Variants in EGLN1 observed in about 807,000 individuals in gnomAD.
The protein encoded by EGLN1 is egl-9 family hypoxia inducible factor 1, also known as egl nine homolog 1.
A neutral mutation model predicts 38.3 loss-of-function variants in EGLN1; 17 were observed. The ratio of observed to expected loss-of-function variants is 0.44; its 90% CI spans 0.30 to 0.67. EGLN1 has a LOEUF of 0.67. Among genes scored for constraint, EGLN1 ranks in the 30% least tolerant of loss-of-function variants. EGLN1 has a pLI of 0.08. For missense variants in EGLN1, 477 were observed against 603.3 expected, an observed-to-expected ratio of 0.79 and a Z score of 2.19; for synonymous variants, 283 against 257.5, an observed-to-expected ratio of 1.10 and a Z score of -0.95.
In EGLN1 at chr1:231,367,599, T is replaced by G; in HGVS notation, c.1186A>C (p.Arg396=). 3 of 1,614,094 alleles carry G rather than the reference T, an allele frequency of 1.9e-6. No individual in the cohort carries two copies. Among genetic ancestry groups the G allele is most frequent in the African/African-American group, 2.7e-5 (2 of 75,058 alleles). ...ITVWYFDADE[R]ARAKVKYLTG... ...AGATATTTTACTTTAGCTCGTGCTC[T>G]CTCATCTGCATCAAAATACCAAACA... is the stretch of plus-strand genomic sequence containing the variant. The change falls in exon 4 of 5, where the codon AGA becomes CGA. Residue 396 remains arginine, a synonymous_variant. Transcript: ENST00000366641.
Position 231,421,992 on chromosome 1 carries a change from G to T in EGLN1, c.-104C>A, listed in dbSNP as rs1405692261. On this transcript the variant is annotated 5_prime_UTR_variant, in exon 1 of 5. Coordinates refer to ENST00000366641, the MANE Select transcript of EGLN1 (RefSeq NM_022051.3). This position sits in a 1 kb window ranked among gnomAD's most constrained non-coding sequence, Gnocchi z 5.5. ...GGGAGCGGGGAGAGAGATAGGGGCCGTTACTGCGCCATGCACCCGCTACCC... is the reference window on the plus strand; with the variant it reads ...GGGAGCGGGGAGAGAGATAGGGGCCTTTACTGCGCCATGCACCCGCTACCC... 1.2e-5 allele frequency: 14 copies of T among 1,214,346 alleles called. No homozygotes were observed. In the Admixed American group the frequency reaches 4.7e-4, roughly 41 times the overall value. 75.2% of individuals were successfully genotyped at this position (1,214,346 alleles called of 1,614,324 possible).
At position 231,421,066 on chromosome 1, in the gene EGLN1, T is replaced by C. The variant is rs779865918; in HGVS notation, c.823A>G (p.Ser275Gly). 1 of 1,614,202 alleles carries C rather than the reference T, an allele frequency of 6.2e-7. No homozygotes were observed. Among genetic ancestry groups the C allele is most frequent in the Admixed American group, 1.7e-5 (1 of 60,030 alleles). ...CAGTGGCGTATCAGGTCGTCCATGCTGCTCATGAGCAGCCCAATGGTTTCG... is the reference window on the plus strand; with the variant it reads ...CAGTGGCGTATCAGGTCGTCCATGCCGCTCATGAGCAGCCCAATGGTTTCG... ...GCETIGLLMS[S>G]MDDLIRHCNG... The change falls in exon 1 of 5, where the codon AGC becomes GGC. Residue 275 changes from serine to glycine, a missense_variant. Physicochemically the swap from Ser to Gly is moderately conservative, Grantham distance 56 (BLOSUM62 0). Around this residue, in one of 4 missense-constraint regions of EGLN1, gnomAD observed 119 missense variants for 179.0 expected, o/e 0.66. Coordinates refer to ENST00000366641, the MANE Select transcript of EGLN1 (RefSeq NM_022051.3). This position sits in a 1 kb window ranked among gnomAD's most constrained non-coding sequence, Gnocchi z 5.5.
intron 1 of EGLN1, among the ~76,000 whole-genome samples, chr1:231,417,106 G>C (rs1689103736): frequency 6.6e-6 from 1 of 152,178 alleles, no homozygotes; most frequent in Non-Finnish European, 1.5e-5. Context: ...TCCTGGGTCA[G>C]TTTCGTTTTT....
intron 1 of EGLN1, among the ~76,000 whole-genome samples, chr1:231,410,177 T>C (rs1365196740): frequency 2.0e-5 from 3 of 152,152 alleles, no homozygotes; most frequent in East Asian, 2.0e-4. Context: ...TGCAAAAGAA[T>C]ACAGCACAAG....
At chr1:231,404,416 A>AGAAATACTTTACTTATACTTAG (rs1008512383) in intron 1 of EGLN1, among the ~76,000 whole-genome samples, 2 of 152,146 alleles carry the variant, frequency 1.3e-5, no homozygotes, top group Admixed American at 6.5e-5. Flanking sequence ...TATACAGTAA[A>AGAAATACTTTACTTATACTTAG]TAAAAGAAAT....
chr1:231,394,669 A>G (rs2474629), intron 1 of EGLN1, among the ~76,000 whole-genome samples: 82,835 of 151,646 alleles, frequency 0.55, 24,225 homozygotes, highest in Non-Finnish European at 0.65. Flanking sequence ...GATTACATGC[A>G]TAAGCCACCA....
chr1:231,414,198 AAAG>A (rs1689019511), intron 1 of EGLN1, among the ~76,000 whole-genome samples: 1 of 152,206 alleles, frequency 6.6e-6, no homozygotes, highest in Non-Finnish European at 1.5e-5. Context: ...GCACAGTGGA[AAAG>A]AAGGTGGAAT....
At chr1:231,390,945 TCAAG>T (rs1389552758) in intron 1 of EGLN1, among the ~76,000 whole-genome samples, 350 of 151,856 alleles carry the variant, frequency 2.3e-3, no homozygotes, top group African/African-American at 8.2e-3. Flanking sequence ...ACTCCTGAGC[TCAAG>T]CAATACTCCT....
intron 1 of EGLN1, among the ~76,000 whole-genome samples, chr1:231,385,605 T>G (rs1412896661): frequency 1.3e-5 from 2 of 152,204 alleles, no homozygotes; most frequent in Non-Finnish European, 2.9e-5. Flanking sequence ...CTCTGGCCCC[T>G]TCCCAAAAGC....
chr1:231,385,276 A>T (rs1041564849), intron 1 of EGLN1, among the ~76,000 whole-genome samples: 3 of 152,242 alleles, frequency 2.0e-5, no homozygotes, highest in Non-Finnish European at 4.4e-5. Context: ...GAACATGTTC[A>T]GTTAGGGTAT....
chr1:231,402,907 A>AT (rs999541575), intron 1 of EGLN1, among the ~76,000 whole-genome samples: 12 of 99,432 alleles, frequency 1.2e-4, no homozygotes, highest in Admixed American at 3.9e-4. Flanking sequence ...TAGTATCTTT[A>AT]TTAAAAAAAA....
chr1:231,382,805 C>A (rs977130013), intron 1 of EGLN1, among the ~76,000 whole-genome samples: 2 of 152,052 alleles, frequency 1.3e-5, no homozygotes, highest in Non-Finnish European at 2.9e-5. Context: ...AGCCGGTAAT[C>A]CCAGCACCTT....
intron 2 of EGLN1, among the ~76,000 whole-genome samples, chr1:231,372,027 G>A (rs1283467465): frequency 6.6e-6 from 1 of 152,156 alleles, no homozygotes. Context: ...TCCAAACTGA[G>A]AACATGTCTT....
chr1:231,409,787 ATTTC>A (rs1688888418), intron 1 of EGLN1, among the ~76,000 whole-genome samples: 1 of 152,164 alleles, frequency 6.6e-6, no homozygotes, highest in African/African-American at 2.4e-5. Context: ...TCTGTTGAGT[ATTTC>A]TTTATTTTCT....
intron 1 of EGLN1, among the ~76,000 whole-genome samples, chr1:231,418,734 G>A (rs527966867): frequency 1.3e-5 from 2 of 151,932 alleles, no homozygotes; most frequent in African/African-American, 2.4e-5. Flanking sequence ...ATGGTGGTGT[G>A]TGCCTACAGT....
At chr1:231,395,579 C>T (rs1328584128) in intron 1 of EGLN1, among the ~76,000 whole-genome samples, 1 of 152,184 alleles carries the variant, frequency 6.6e-6, no homozygotes, top group Non-Finnish European at 1.5e-5. Context: ...ACTGAAAATC[C>T]AGCTTCCCAA....
chr1:231,406,299 G>T (rs1324395820), intron 1 of EGLN1, among the ~76,000 whole-genome samples: 2 of 152,086 alleles, frequency 1.3e-5, no homozygotes, highest in Non-Finnish European at 2.9e-5. Flanking sequence ...AGGAAAAAGA[G>T]AATCATAAGC....
chr1:231,422,077 C>T lies in EGLN1; in HGVS notation c.-189G>A. On this transcript the variant is annotated 5_prime_UTR_variant, in exon 1 of 5. Coordinates refer to ENST00000366641, the MANE Select transcript of EGLN1 (RefSeq NM_022051.3). ...CCCGGCCGCTTCCGAGTCCTAAGCT[C>T]CGGCGCAGCGCCGGCAGCCGCCTCA... 2.0e-6 allele frequency: 1 copy of T among 501,510 alleles called. No individual in the cohort carries two copies. The highest frequency in any genetic ancestry group is 5.8e-4 in the Middle Eastern group (1 of 1,738). 31.1% of individuals were successfully genotyped at this position (501,510 alleles called of 1,614,324 possible).
At position 231,421,329 on chromosome 1, in the gene EGLN1, G is replaced by T; in HGVS notation, c.560C>A (p.Pro187His). The T allele has an allele frequency of 6.2e-7, 1 of 1,611,868 alleles. No individual in the cohort carries two copies. Among genetic ancestry groups the T allele is most frequent in the Non-Finnish European group, 8.5e-7 (1 of 1,179,378 alleles). Residue 187 changes from proline (P) to histidine (H), a missense_variant, in exon 1 of 5, where the codon CCC becomes CAC. Physicochemically the swap from Pro to His is moderately conservative, Grantham distance 77. This residue lies in a region of EGLN1 where 298 missense variants were observed against 288.9 expected (regional missense o/e 1.03). Transcript: ENST00000366641. This position sits in a 1 kb window ranked among gnomAD's most constrained non-coding sequence, Gnocchi z 5.5. ...GGLRPNGQTK[P>H]LPALKLALEY... ...GAGCGCCAGCTTCAGCGCCGGCAGG[G>T]GCTTCGTCTGCCCGTTGGGCCGCAG...
Sources: gnomAD v4.1 joint callset for allele counts (sites outside exome capture counted in the v4.1 genomes callset) on GRCh38, gnomAD v4.1.1 for gene constraint, gnomAD v4.1.1 regional missense constraint, Gnocchi (gnomAD v3.1) non-coding constraint, MANE v1.5 for transcripts, NCBI Gene and HGNC (gene_info 2026-07-23, HGNC 2026-07-21) for gene names.